RAB11FIP3: variants seen among roughly 807,000 people sequenced by gnomAD.
RAB11FIP3 encodes RAB11 family interacting protein 3, also known as rab11 family-interacting protein 3.
In RAB11FIP3, 17 loss-of-function variants were observed where a neutral mutation model predicts 77.8. The ratio of observed to expected loss-of-function variants is 0.22; its 90% confidence interval spans 0.15 to 0.33. The LOEUF (loss-of-function observed/expected upper bound fraction) is 0.33, where lower values mean the gene tolerates loss of function less well. RAB11FIP3 is among the 10% of genes least tolerant of loss of function. The pLI, the probability that RAB11FIP3 is intolerant of heterozygous loss-of-function variation, is 1.00. For missense variants in RAB11FIP3, 1,005 were observed against 1,011.2 expected, an observed-to-expected ratio of 0.99 and a Z score of 0.08; for synonymous variants, 437 against 448.2, an observed-to-expected ratio of 0.98 and a Z score of 0.31.
intron 1 of RAB11FIP3, among the ~76,000 whole-genome samples, chr16:430,544 T>A (rs2055019652): frequency 6.6e-6 from 1 of 152,094 alleles, no homozygotes; most frequent in Admixed American, 6.6e-5. Flanking sequence ...CTAGGGACAT[T>A]TGACTGCACC....
At chr16:441,776 T>C (rs2055231169) in intron 1 of RAB11FIP3, among the ~76,000 whole-genome samples, 1 of 152,262 alleles carries the variant, frequency 6.6e-6, no homozygotes, top group South Asian at 2.1e-4. Flanking sequence ...CTGATACTTT[T>C]GATTTGTCTG....
intron 6 of RAB11FIP3, among the ~76,000 whole-genome samples, chr16:499,815 AAAG>A (rs1315157273): frequency 2.0e-5 from 3 of 151,794 alleles, no homozygotes; most frequent in African/African-American, 7.3e-5. Context: ...AAAAAAAAAA[AAAG>A]CTCCATCTGC....
At chr16:462,441 G>A (rs2055623435) in intron 2 of RAB11FIP3, among the ~76,000 whole-genome samples, 1 of 152,056 alleles carries the variant, frequency 6.6e-6, no homozygotes, top group African/African-American at 2.4e-5. Flanking sequence ...CACCATGTTG[G>A]CGGGGCTGGT....
At chr16:516,831 C>T (rs961765122) in intron 9 of RAB11FIP3, among the ~76,000 whole-genome samples, 8 of 151,956 alleles carry the variant, frequency 5.3e-5, no homozygotes, top group Middle Eastern at 3.2e-3. Context: ...CCAGCTTGGG[C>T]GACAAGAGCA....
At chr16:458,880 G>C (rs1177446652) in intron 1 of RAB11FIP3, among the ~76,000 whole-genome samples, 1 of 152,122 alleles carries the variant, frequency 6.6e-6, no homozygotes, top group Non-Finnish European at 1.5e-5. Context: ...CATTATGGAA[G>C]AGTTCAAACC....
chr16:480,142 T>G, intron 3 of RAB11FIP3, among the ~76,000 whole-genome samples: 1 of 150,280 alleles, frequency 6.7e-6, no homozygotes, highest in Non-Finnish European at 1.5e-5. Flanking sequence ...CAAAAATTAG[T>G]GGCGTGGTGG....
In RAB11FIP3 at chr16:510,279, G is replaced by T. The variant is rs561991027; in HGVS notation, c.1500-381G>T. ...CCGTGCCTCTGGGCTCTGAGCGCAC[G>T]CGTTGTGTGTAGTGGCTGCAGGTGG... On this transcript the variant is annotated intron_variant, in intron 8 of 13. Coordinates refer to ENST00000262305, the MANE Select transcript of RAB11FIP3 (RefSeq NM_014700.4). Among the ~76,000 whole-genome samples the T allele has an allele frequency of 1.2e-3, 187 of 151,560 alleles. 4 individuals carry two copies. The highest frequency in any genetic ancestry group is 4.4e-3 in the African/African-American group (182 of 40,918).
At chr16:498,094 C>A (rs2031274805) in intron 6 of RAB11FIP3, among the ~76,000 whole-genome samples, 1 of 152,076 alleles carries the variant, frequency 6.6e-6, no homozygotes, top group South Asian at 2.1e-4. Context: ...CTTAAGTAAT[C>A]TTTCCACCTC....
chr16:468,373 C>G (rs556233053), intron 2 of RAB11FIP3, among the ~76,000 whole-genome samples: 3 of 150,132 alleles, frequency 2.0e-5, no homozygotes, highest in East Asian at 2.0e-4. Flanking sequence ...GCTGCGGGGT[C>G]TGCTTTACTT....
intron 2 of RAB11FIP3, among the ~76,000 whole-genome samples, chr16:467,050 G>C (rs1039474061): frequency 6.6e-6 from 1 of 152,208 alleles, no homozygotes; most frequent in African/African-American, 2.4e-5. Context: ...CCTGTTCCAG[G>C]CTCTGGGACG....
chr16:492,482 G>GCCCTCCCGGGAGATCCGAGGCCGCCCAGA (rs1596271613), intron 5 of RAB11FIP3, among the ~76,000 whole-genome samples: 1 of 32,134 alleles, frequency 3.1e-5, no homozygotes, highest in Non-Finnish European at 6.0e-5. Context: ...GGCCGCCCAG[G>GCCCTCCCGGGAGATCCGAGGCCGCCCAGA]GCCCTCCCGG....
intron 2 of RAB11FIP3, among the ~76,000 whole-genome samples, chr16:468,264 A>T (rs533853190): frequency 0.13 from 749 of 5,936 alleles, 6 homozygotes; most frequent in Admixed American, 0.14. Flanking sequence ...GAGGAGGTGC[A>T]GGGAAGTCAG....
chr16:491,087 C>A, intron 5 of RAB11FIP3: 1 of 1,273,750 alleles, frequency 7.9e-7, no homozygotes, highest in Non-Finnish European at 1.0e-6. Context: ...CACAGATGAC[C>A]ACACGGGTCC....
At chr16:489,039 C>T (rs2029936749) in intron 5 of RAB11FIP3, 39 bp downstream of exon 5, 1 of 1,595,802 alleles carries the variant, frequency 6.3e-7, no homozygotes, top group Non-Finnish European at 8.6e-7. Flanking sequence ...CCTCCCTCTT[C>T]TTCCCGTGGT....
intron 4 of RAB11FIP3, among the ~76,000 whole-genome samples, chr16:483,130 G>A (rs914279906): frequency 1.3e-5 from 2 of 152,142 alleles, no homozygotes; most frequent in East Asian, 1.9e-4. Context: ...TGTAGCCCCC[G>A]TATTTCGAGC....
chr16:466,833 G>A (rs1463293152), intron 2 of RAB11FIP3, among the ~76,000 whole-genome samples: 2 of 152,204 alleles, frequency 1.3e-5, no homozygotes, highest in East Asian at 1.9e-4. Flanking sequence ...GCTGACAGAT[G>A]GGCCTGGGAG....
intron 1 of RAB11FIP3, among the ~76,000 whole-genome samples, chr16:436,614 T>G (rs2055132313): frequency 6.6e-6 from 1 of 152,142 alleles, no homozygotes. Flanking sequence ...CCTGAGTAGC[T>G]GGGACTATAA....
At chr16:495,318 G>A (rs1189786231) in intron 5 of RAB11FIP3, among the ~76,000 whole-genome samples, 2 of 152,210 alleles carry the variant, frequency 1.3e-5, no homozygotes, top group African/African-American at 4.8e-5. Context: ...CAGGGCTGAG[G>A]TCTGCACCAG....
At chr16:519,109 G>C in intron 10 of RAB11FIP3, 85 bp downstream of exon 10, 2 of 1,394,196 alleles carry the variant, frequency 1.4e-6, no homozygotes, top group Non-Finnish European at 2.0e-6. Flanking sequence ...CCTGAGCTCT[G>C]TGCTGAGCGG....
Sources: gnomAD v4.1 joint callset for allele counts (sites outside exome capture counted in the v4.1 genomes callset) on GRCh38, gnomAD v4.1.1 for gene constraint, MANE v1.5 for transcripts, NCBI Gene and HGNC (gene_info 2026-07-23, HGNC 2026-07-21) for gene names.